Variants in TMEM63C observed in about 807,000 individuals in gnomAD.
TMEM63C encodes transmembrane protein 63C.
In TMEM63C, 32 loss-of-function variants were observed where a neutral mutation model predicts 99.2. The ratio of observed to expected loss-of-function variants is 0.32; its 90% CI spans 0.24 to 0.43. TMEM63C has a LOEUF of 0.43. Ranked by LOEUF, TMEM63C falls within the 20% of genes least tolerant of loss-of-function variation. The pLI, the probability that TMEM63C is intolerant of heterozygous loss-of-function variation, is 1.00. For missense variants in TMEM63C, 826 were observed against 1,053.0 expected (o/e 0.78, Z 2.98); for synonymous variants, 376 against 397.9 (o/e 0.94, Z 0.66).
chr14:77,242,487 C>T lies in TMEM63C; in HGVS notation c.1187+18C>T, dbSNP rs140329283. On this transcript the variant is annotated intron_variant, in intron 14 of 23. Coordinates refer to ENST00000298351, the MANE Select transcript of TMEM63C (RefSeq NM_020431.4). The stretch of plus-strand genomic sequence containing the variant: ...ATTATTTGGTAAGCCTCCTCCATCC[C>T]TCCCCTCTCCTCTGAGCTCCTCTGA... The T allele has an allele frequency of 6.2e-6, 10 of 1,611,938 alleles. 1 individual carries two copies. The East Asian group carries it at 1.8e-4, about 29-fold the overall frequency.
Position 77,256,856 on chromosome 14 carries a change from C to A in TMEM63C, c.*130C>A. 1.2e-6 allele frequency: 1 copy of A among 841,156 alleles called. No homozygotes were observed. The highest frequency in any genetic ancestry group is 1.8e-6 in the Non-Finnish European group (1 of 549,144). The allele number at this position is 841,156 out of a possible 1,614,324, so 52.1% of individuals were successfully genotyped here. A position where few individuals can be genotyped will look rare whatever the true frequency, so the allele number is the denominator to read the frequency against. On this transcript the variant is annotated 3_prime_UTR_variant, in exon 24 of 24. Coordinates refer to ENST00000298351, the MANE Select transcript of TMEM63C (RefSeq NM_020431.4). ...TTTGAGAAGCCCACAGTGGAGACAT[C>A]CACCACCCCAGCCATGGGCCATACG...
At chr14:77,220,766 A>C (rs1888678344) in intron 5 of TMEM63C, among the ~76,000 whole-genome samples, 1 of 151,462 alleles carries the variant, frequency 6.6e-6, no homozygotes, top group African/African-American at 2.4e-5. Flanking sequence ...GAATACTCTG[A>C]GAGGGAGCCC....
chr14:77,183,803 G>A (rs1352112386), intron 1 of TMEM63C, among the ~76,000 whole-genome samples: 1 of 152,180 alleles, frequency 6.6e-6, no homozygotes, highest in Non-Finnish European at 1.5e-5. Flanking sequence ...GGAAGGGATG[G>A]GGTTCCCAGT....
chr14:77,203,792 G>A (rs1594852365), intron 1 of TMEM63C, among the ~76,000 whole-genome samples: 1 of 152,246 alleles, frequency 6.6e-6, no homozygotes, highest in Non-Finnish European at 1.5e-5. Flanking sequence ...CAGAGCTTTG[G>A]TTGATCAGAG....
In TMEM63C at chr14:77,196,826, A is replaced by G. The variant is rs1465397237; in HGVS notation, c.-77+14932A>G. Among the ~76,000 whole-genome samples the G allele has an allele frequency of 4.6e-5, 7 of 152,218 alleles. No homozygotes were observed. In the South Asian group the frequency reaches 6.2e-4, roughly 13 times the overall value. ...AGAGGAATCAGGTGTAATCTTGTCA[A>G]AACAGCGCGGGAAGCCCTTTGGCTT... On this transcript the variant is annotated intron_variant, in intron 1 of 23. Coordinates refer to ENST00000298351, the MANE Select transcript of TMEM63C (RefSeq NM_020431.4).
intron 1 of TMEM63C, among the ~76,000 whole-genome samples, chr14:77,194,742 T>C (rs2140093107): frequency 7.7e-4 from 1 of 1,292 alleles, no homozygotes; most frequent in East Asian, 0.5. Flanking sequence ...TCCAGCTAAT[T>C]TTTTTTTTTT....
At position 77,249,410 on chromosome 14, in the gene TMEM63C, C is replaced by T; in HGVS notation, c.1990C>T (p.Pro664Ser). 2 of 1,614,040 alleles carry T rather than the reference C, an allele frequency of 1.2e-6. No individual in the cohort carries two copies. The highest frequency in any genetic ancestry group is 1.3e-5 in the African/African-American group (1 of 75,058). ...MAAVSQAIFA[P>S]LLGLFWMLFF... ...TGCCGTCTCCCAGGCCATCTTTGCG[C>T]CACTCTTGGGTCTGTTCTGGATGCT... is the stretch of plus-strand genomic sequence containing the variant. The change falls in exon 21 of 24, where the codon CCA (proline) becomes TCA (serine). Residue 664 changes from proline (P) to serine (S), a missense_variant. Transcript: ENST00000298351.
At chr14:77,191,807 G>C (rs1377594852) in intron 1 of TMEM63C, among the ~76,000 whole-genome samples, 1 of 151,646 alleles carries the variant, frequency 6.6e-6, no homozygotes, top group Admixed American at 6.6e-5. Flanking sequence ...GCCTCCCAAA[G>C]TGCCGGGATT....
chr14:77,228,953 G>A (rs949052251), intron 6 of TMEM63C, among the ~76,000 whole-genome samples: 2 of 152,216 alleles, frequency 1.3e-5, no homozygotes. Context: ...GGGGAGGCCT[G>A]CATGGTGCTG....
chr14:77,197,877 G>C (rs550239692), intron 1 of TMEM63C, among the ~76,000 whole-genome samples: 1 of 152,210 alleles, frequency 6.6e-6, no homozygotes, highest in South Asian at 2.1e-4. Context: ...AGTCCCTAAG[G>C]AATGGAAGTG....
At position 77,245,977 on chromosome 14, in the gene TMEM63C, A is replaced by C; in HGVS notation, c.1486A>C (p.Ile496Leu). 1 of 1,614,018 alleles carries C rather than the reference A, an allele frequency of 6.2e-7. No homozygotes were observed. The highest frequency in any genetic ancestry group is 8.5e-7 in the Non-Finnish European group (1 of 1,179,876). Reference sequence around the variant, plus strand: ...TCTGGTCATGGTGCACAAGTGCTACATCTTTCTGGTGTTCATGGTAGTCAT... The same window carrying C: ...TCTGGTCATGGTGCACAAGTGCTACCTCTTTCTGGTGTTCATGGTAGTCAT... ...QNLVMVHKCYIFLVFMVVILP... is the reference protein window; with the variant it reads ...QNLVMVHKCYLFLVFMVVILP... The change falls in exon 17 of 24, where the codon ATC becomes CTC. Residue 496 changes from isoleucine to leucine, a missense_variant. By Grantham distance (5) the Ile-to-Leu change is conservative (BLOSUM62 2). Coordinates refer to ENST00000298351, the MANE Select transcript of TMEM63C (RefSeq NM_020431.4).
chr14:77,253,172 G>C, intron 22 of TMEM63C, 133 bp from the exon 23 acceptor site: 1 of 780,226 alleles, frequency 1.3e-6, no homozygotes, highest in South Asian at 1.5e-5. Flanking sequence ...CCAGGCTGAA[G>C]GTCTGGAAAG....
chr14:77,254,790 T>A (rs763972533), intron 23 of TMEM63C, among the ~76,000 whole-genome samples: 2 of 152,216 alleles, frequency 1.3e-5, no homozygotes, highest in South Asian at 2.1e-4. Flanking sequence ...CAGGGCTATA[T>A]GAACATCGCA....
rs199845918 is a variant in TMEM63C, at chr14:77,256,620, C to G, written c.2315C>G (p.Pro772Arg). The part of the protein sequence containing the change: ...RHTYGTMNNQ[P>R]EEGEEESGLR... ...ACCTATGGCACCATGAACAACCAGC[C>G]GGAAGAGGGAGAAGAAGAGAGTGGT... The change falls in exon 24 of 24, where the codon CCG becomes CGG. Residue 772 changes from proline to arginine, a missense_variant. Pro to Arg is a moderately radical substitution (Grantham distance 103, BLOSUM62 -2). Transcript: ENST00000298351. 4 of 1,613,970 alleles carry G rather than the reference C, an allele frequency of 2.5e-6. No homozygotes were observed. The East Asian group carries it at 8.9e-5, about 36-fold the overall frequency.
chr14:77,238,852 C>A, intron 10 of TMEM63C, 85 bp downstream of exon 10: 1 of 1,127,812 alleles, frequency 8.9e-7, no homozygotes, highest in Non-Finnish European at 1.3e-6. Flanking sequence ...TGAGTTGGTG[C>A]AGGATGGTGG....
intron 5 of TMEM63C, 111 bp from the exon 6 acceptor site, chr14:77,225,313 C>G: frequency 1.2e-6 from 1 of 862,748 alleles, no homozygotes; most frequent in East Asian, 2.8e-5. Flanking sequence ...AGGAAGGAGG[C>G]CCCGGACGCT....
chr14:77,197,746 CTG>C (rs1164330685), intron 1 of TMEM63C, among the ~76,000 whole-genome samples: 2 of 152,258 alleles, frequency 1.3e-5, no homozygotes, highest in Non-Finnish European at 2.9e-5. Flanking sequence ...TAGTTAATGA[CTG>C]TGCCCTAACT....
At chr14:77,219,289 T>C (rs1201361533) in intron 3 of TMEM63C, among the ~76,000 whole-genome samples, 1 of 152,202 alleles carries the variant, frequency 6.6e-6, no homozygotes, top group Non-Finnish European at 1.5e-5. Context: ...CAATGAACTC[T>C]GAGCATCCAC....
At chr14:77,219,056 T>C (rs2077348888) in intron 3 of TMEM63C, 93 bp downstream of exon 3, 1 of 1,324,730 alleles carries the variant, frequency 7.5e-7, no homozygotes, top group Admixed American at 3.1e-5. Context: ...GTTGTCCAAA[T>C]GGACAACAAC....
Sources: allele counts gnomAD v4.1 joint callset (sites outside exome capture counted in the v4.1 genomes callset), GRCh38; gene constraint gnomAD v4.1.1; transcripts MANE v1.5; gene names NCBI Gene and HGNC (gene_info 2026-07-23, HGNC 2026-07-21).